The following TBK1 variants were observed in gnomAD, a reference collection of about 807,000 sequenced individuals.
TBK1 encodes the protein TANK binding kinase 1, also known as serine/threonine-protein kinase TBK1.
Under a neutral mutation model 99.9 loss-of-function variants are expected in TBK1, and 37 were observed. The ratio of observed to expected loss-of-function variants is 0.37; its 90% CI spans 0.28 to 0.49. The LOEUF (loss-of-function observed/expected upper bound fraction) is 0.49, where lower values mean the gene tolerates loss of function less well. Among genes scored for constraint, TBK1 ranks in the 20% least tolerant of loss-of-function variants. The pLI is 0.98. For synonymous variants in TBK1, 258 were observed against 279.8 expected (o/e 0.92, Z 0.78); for missense variants, 644 against 872.5 (o/e 0.74, Z 3.30).
At chr12:64,464,535 CATTCA>C in intron 4 of TBK1, 72 bp downstream of exon 4, 1 of 1,249,082 alleles carries the variant, frequency 8.0e-7, no homozygotes. Context: ...AAATATCTTC[CATTCA>C]AAACTGAAGA....
At chr12:64,461,302 A>AT (rs1286519479) in intron 3 of TBK1, among the ~76,000 whole-genome samples, 2 of 152,104 alleles carry the variant, frequency 1.3e-5, no homozygotes, top group Middle Eastern at 3.2e-3. Flanking sequence ...AAAAGAATTG[A>AT]TTTTTTTAAG....
chr12:64,499,693 C>CTTTTTTTTTT (rs56725684), intron 20 of TBK1, among the ~76,000 whole-genome samples: 2 of 82,932 alleles, frequency 2.4e-5, no homozygotes, highest in Non-Finnish European at 4.4e-5. Flanking sequence ...TAAAGATGTG[C>CTTTTTTTTTT]TTTTTTTTTT....
intron 2 of TBK1, 134 bp downstream of exon 2, chr12:64,456,091 G>C: frequency 1.5e-6 from 1 of 670,026 alleles, no homozygotes; most frequent in Non-Finnish European, 2.5e-6. Flanking sequence ...TGATTTTCGT[G>C]GTCATTTAAG....
intron 6 of TBK1, 64 bp downstream of exon 6, chr12:64,474,454 C>G: frequency 6.7e-7 from 1 of 1,483,276 alleles, no homozygotes; most frequent in Non-Finnish European, 9.2e-7. Context: ...CTTGGTTCAT[C>G]TTATTGTTAG....
chr12:64,501,657 T>C lies in TBK1; in HGVS notation c.*276T>C. 2.9e-6 allele frequency: 1 copy of C among 344,358 alleles called. No individual in the cohort carries two copies. The highest frequency in any genetic ancestry group is 5.3e-6 in the Non-Finnish European group (1 of 190,236). The allele number at this position is 344,358 out of a possible 1,614,324, so 21.3% of individuals were successfully genotyped here. ...ATGACCGACCAATATGTTGACATAC[T>C]GATCCTCTACTCTGAGTGGGGCTAA... On this transcript the variant is annotated 3_prime_UTR_variant, in exon 21 of 21. Transcript: ENST00000331710.
chr12:64,476,753 G>C (rs10878176), intron 6 of TBK1, among the ~76,000 whole-genome samples: 46,931 of 151,972 alleles, frequency 0.31, 7,670 homozygotes, highest in East Asian at 0.56. Context: ...CTAAGACAAT[G>C]TATAGAAGAG....
intron 15 of TBK1, chr12:64,496,062 G>GGA (rs1328413969): frequency 8.2e-6 from 3 of 364,396 alleles, no homozygotes; most frequent in Admixed American, 4.6e-5. Context: ...CATCTACAGG[G>GGA]GAGAGCCACT....
chr12:64,497,323 A>G, intron 18 of TBK1, 64 bp downstream of exon 18: 4 of 1,201,766 alleles, frequency 3.3e-6, no homozygotes, highest in Non-Finnish European at 4.6e-6. Context: ...GTGATTGACA[A>G]GGGAGAAATG....
intron 1 of TBK1, among the ~76,000 whole-genome samples, chr12:64,455,394 G>A (rs2040476143): frequency 6.6e-6 from 1 of 152,118 alleles, no homozygotes; most frequent in South Asian, 2.1e-4. Flanking sequence ...GGGGAAAATG[G>A]CATCTTGCTT....
intron 8 of TBK1, among the ~76,000 whole-genome samples, chr12:64,483,758 G>A (rs907271227): frequency 6.6e-6 from 1 of 152,158 alleles, no homozygotes; most frequent in African/African-American, 2.4e-5. Context: ...TGTAATCCCA[G>A]CACTTTGGGA....
In TBK1 at chr12:64,501,366, C is replaced by T. The variant is rs369222946; in HGVS notation, c.2175C>T (p.Asn725=). The stretch of plus-strand genomic sequence containing the variant: ...TAACCATGGATGGTGGCCTTCGCAA[C>T]GTTGACTGTCTTTAGCTTTCTAATA... ...GSLTMDGGLR[N]VDCL is the part of the protein sequence containing the mutation. The change falls in exon 21 of 21, where the codon AAC becomes AAT. Residue 725 remains asparagine (N), a synonymous_variant. Coordinates refer to ENST00000331710, the MANE Select transcript of TBK1 (RefSeq NM_013254.4). 57 of 1,613,910 alleles carry T rather than the reference C, an allele frequency of 3.5e-5. No homozygotes were observed. The highest frequency in any genetic ancestry group is 1.6e-4 in the African/African-American group (12 of 75,020).
intron 2 of TBK1, 56 bp downstream of exon 2, chr12:64,456,013 G>A (rs2040483769): frequency 1.6e-6 from 2 of 1,224,758 alleles, no homozygotes; most frequent in Non-Finnish European, 2.3e-6. Context: ...TTTGTTCTAA[G>A]ATGCATGTTG....
rs573807159 is a variant in TBK1, at chr12:64,473,609, G to A, written c.541-621G>A. ...CCATGTATAGGTGCAGTTCCATTGTGACTGGAAAGTAGGCCTGGAAAATGG... is the reference window on the plus strand; with the variant it reads ...CCATGTATAGGTGCAGTTCCATTGTAACTGGAAAGTAGGCCTGGAAAATGG... On this transcript the variant is annotated intron_variant, in intron 5 of 20. Coordinates refer to ENST00000331710, the MANE Select transcript of TBK1 (RefSeq NM_013254.4). Among the ~76,000 whole-genome samples, 194 of 152,270 alleles carry A rather than the reference G, an allele frequency of 1.3e-3. 1 individual carries two copies. Among genetic ancestry groups the A allele is most frequent in the Admixed American group, 4.7e-3 (72 of 15,280 alleles).
chr12:64,466,947 T>C lies in TBK1; in HGVS notation c.405T>C (p.Asp135=). The C allele has an allele frequency of 6.2e-7, 1 of 1,612,584 alleles. No individual in the cohort carries two copies. Among genetic ancestry groups the C allele is most frequent in the Non-Finnish European group, 8.5e-7 (1 of 1,179,332 alleles). The part of the protein sequence containing the change: ...HLRENGIVHR[D]IKPGNIMRVI... ...GAGAGAATGGTATAGTGCACCGTGA[T>C]ATCAAGCCAGGAAATATCATGCGTG... The change falls in exon 5 of 21, where the codon GAT becomes GAC. Residue 135 remains aspartate, a synonymous_variant. Coordinates refer to ENST00000331710, the MANE Select transcript of TBK1 (RefSeq NM_013254.4).
intron 6 of TBK1, among the ~76,000 whole-genome samples, chr12:64,478,901 A>G (rs1458864612): frequency 6.6e-6 from 1 of 152,244 alleles, no homozygotes; most frequent in Admixed American, 6.5e-5. Context: ...TTTAAATAAA[A>G]GTGTGTGCTG....
intron 11 of TBK1, 58 bp downstream of exon 11, chr12:64,486,075 G>A: frequency 8.2e-7 from 1 of 1,220,320 alleles, no homozygotes; most frequent in Non-Finnish European, 1.2e-6. Flanking sequence ...CCCCATCATT[G>A]ATATTTTCTC....
chr12:64,488,772 T>C (rs2040842056), intron 12 of TBK1, among the ~76,000 whole-genome samples, 184 bp downstream of exon 12: 1 of 152,198 alleles, frequency 6.6e-6, no homozygotes, highest in Non-Finnish European at 1.5e-5. Flanking sequence ...GGCAGGTGGA[T>C]CACGAGGTCA....
chr12:64,500,628 G>GT lies in TBK1; in HGVS notation c.2139-701dup, dbSNP rs568096754. Among the ~76,000 whole-genome samples, 24 of 152,066 alleles carry GT rather than the reference G, an allele frequency of 1.6e-4. No homozygotes were observed. The East Asian group carries it at 4.4e-3, about 28-fold the overall frequency. The stretch of plus-strand genomic sequence containing the variant: ...AAATTTATACTTCAATTCAAAGAGT[G>GT]TAATAGCCTGGTTCCAGCCTGTTCA... On this transcript the variant is annotated intron_variant, in intron 20 of 20. Transcript: ENST00000331710.
chr12:64,497,875 T>C, intron 19 of TBK1, 93 bp from the exon 20 acceptor site: 1 of 1,397,354 alleles, frequency 7.2e-7, no homozygotes, highest in East Asian at 2.3e-5. Flanking sequence ...AATAAGGTTA[T>C]CTATTGACCA....
Sources: allele counts gnomAD v4.1 joint callset (sites outside exome capture counted in the v4.1 genomes callset), GRCh38; gene constraint gnomAD v4.1.1; transcripts MANE v1.5; gene names NCBI Gene and HGNC (gene_info 2026-07-23, HGNC 2026-07-21).